LIMD1: variants seen among roughly 807,000 people sequenced by gnomAD.
LIMD1 encodes LIM domain containing 1.
A neutral mutation model predicts 58.4 loss-of-function variants in LIMD1; 23 were observed. The ratio of observed to expected loss-of-function variants is 0.39; its 90% CI spans 0.28 to 0.56. The LOEUF is 0.56. Ranked by LOEUF, LIMD1 falls within the 20% of genes least tolerant of loss-of-function variation. LIMD1 has a pLI of 0.57. For synonymous variants in LIMD1, 334 were observed against 345.5 expected (o/e 0.97, Z 0.37); for missense variants, 838 against 855.5 (o/e 0.98, Z 0.25).
intron 2 of LIMD1, among the ~76,000 whole-genome samples, chr3:45,638,717 TCTC>T (rs1575354957): frequency 6.6e-6 from 1 of 152,206 alleles, no homozygotes; most frequent in Admixed American, 6.5e-5. Context: ...CTTTGAGAAA[TCTC>T]CTAACTGTTT....
chr3:45,672,166 G>A (rs952027584), intron 4 of LIMD1, among the ~76,000 whole-genome samples: 1 of 152,238 alleles, frequency 6.6e-6, no homozygotes, highest in Non-Finnish European at 1.5e-5. Context: ...AGTCAAAGCT[G>A]CATAGAAGGG....
intron 1 of LIMD1, among the ~76,000 whole-genome samples, chr3:45,627,028 C>T (rs900505524): frequency 2.0e-5 from 3 of 152,132 alleles, no homozygotes; most frequent in African/African-American, 4.8e-5. Flanking sequence ...CAAAAATCCA[C>T]TGTGCTCCCC....
Position 45,658,535 on chromosome 3 carries a change from CTTTTTTTTTTT to C in LIMD1, c.1511-7093_1511-7083del, listed in dbSNP as rs10572210. Among the ~76,000 whole-genome samples the C allele has an allele frequency of 3.4e-3, 151 of 44,754 alleles. 1 individual carries two copies. The highest frequency in any genetic ancestry group is 0.015 in the East Asian group (11 of 758). 29.4% of individuals were successfully genotyped at this position (44,754 alleles called of 152,430 possible). On this transcript the variant is annotated intron_variant, in intron 2 of 7. Coordinates refer to ENST00000273317, the MANE Select transcript of LIMD1 (RefSeq NM_014240.3). Reference sequence around the variant, plus strand: ...AACCATCCCCTCCACCATGCAGATTCTTTTTTTTTTTTTTTTTTTTTTTTTTTTTTTTGAGA... The same window carrying C: ...AACCATCCCCTCCACCATGCAGATTCTTTTTTTTTTTTTTTTTTTTTGAGA...
chr3:45,596,256 G>C lies in LIMD1; in HGVS notation c.1377G>C (p.Glu459Asp), dbSNP rs1320294845. ...CCCTCACCCAACGTCTGGAGCGAGA[G>C]ATGGATGCTCACCCGAAGGCTGATT... Reference protein sequence around the residue: ...LEALTQRLEREMDAHPKADYF... With the variant: ...LEALTQRLERDMDAHPKADYF... The change falls in exon 1 of 8, where the codon GAG (glutamate) becomes GAC (aspartate). Residue 459 changes from glutamate (E) to aspartate (D), a missense_variant. Glu to Asp is a conservative substitution (Grantham distance 45, BLOSUM62 2). Around this residue, in one of 3 missense-constraint regions of LIMD1, gnomAD observed 659 missense variants for 639.8 expected, o/e 1.03. Coordinates refer to ENST00000273317, the MANE Select transcript of LIMD1 (RefSeq NM_014240.3). The C allele has an allele frequency of 6.2e-7, 1 of 1,609,874 alleles. No individual in the cohort carries two copies. The highest frequency in any genetic ancestry group is 8.5e-7 in the Non-Finnish European group (1 of 1,178,466).
At chr3:45,647,083 AG>A (rs1396643202) in intron 2 of LIMD1, among the ~76,000 whole-genome samples, 1 of 152,218 alleles carries the variant, frequency 6.6e-6, no homozygotes, top group African/African-American at 2.4e-5. Context: ...TGTATATGGG[AG>A]AAGAAAATCA....
intron 1 of LIMD1, among the ~76,000 whole-genome samples, chr3:45,630,460 C>T (rs1701716151): frequency 6.6e-6 from 1 of 152,158 alleles, no homozygotes; most frequent in African/African-American, 2.4e-5. Flanking sequence ...GATTGGTTTC[C>T]TGAAGGGCAA....
chr3:45,620,062 G>C (rs1336456930), intron 1 of LIMD1, among the ~76,000 whole-genome samples: 1 of 152,002 alleles, frequency 6.6e-6, no homozygotes, highest in Admixed American at 6.6e-5. Flanking sequence ...GTCAAGAGTG[G>C]GTATGTGGAG....
chr3:45,664,950 C>T (rs1430398716), intron 2 of LIMD1, among the ~76,000 whole-genome samples: 1 of 152,136 alleles, frequency 6.6e-6, no homozygotes, highest in Admixed American at 6.5e-5. Context: ...GATCCCGGGA[C>T]ACCCTCTGCT....
rs373350971 is a variant in LIMD1 at position 45,683,931 on chromosome 3, G to A, written c.*6872G>A. 8 of 152,174 alleles carry A rather than the reference G, an allele frequency of 5.3e-5. No homozygotes were observed. The highest frequency in any genetic ancestry group is 1.0e-4 in the Non-Finnish European group (7 of 68,040). The allele number at this position is 152,174 out of a possible 1,614,324, so 9.4% of individuals were successfully genotyped here. ...CCACAGACTCCAACGAACGTTTTTT[G>A]AGAGGAAATGAAAGAATATTCCTAA... On this transcript the variant is annotated 3_prime_UTR_variant, in exon 8 of 8. Coordinates refer to ENST00000273317, the MANE Select transcript of LIMD1 (RefSeq NM_014240.3).
intron 1 of LIMD1, among the ~76,000 whole-genome samples, chr3:45,630,674 G>A (rs575441320): frequency 6.6e-6 from 1 of 152,088 alleles, no homozygotes; most frequent in South Asian, 2.1e-4. Flanking sequence ...CTGATGAGGT[G>A]ATATGTTATG....
chr3:45,624,463 T>C (rs1701651757), intron 1 of LIMD1, among the ~76,000 whole-genome samples: 1 of 152,056 alleles, frequency 6.6e-6, no homozygotes, highest in Admixed American at 6.5e-5. Flanking sequence ...ATCCCAGCAC[T>C]TTGGGAGGCC....
At chr3:45,649,849 T>TG (rs1701948951) in intron 2 of LIMD1, among the ~76,000 whole-genome samples, 3 of 34,930 alleles carry the variant, frequency 8.6e-5, no homozygotes. Context: ...AGTTTTTTTG[T>TG]TTTTTTTTTT....
At position 45,596,138 on chromosome 3, in the gene LIMD1, A is replaced by C; in HGVS notation, c.1259A>C (p.Asp420Ala). The C allele has an allele frequency of 1.9e-6, 3 of 1,614,106 alleles. No homozygotes were observed. In the South Asian group the frequency reaches 3.3e-5, roughly 18 times the overall value. ...SDGSLGSVLL[D>A]SPSSPRVRLP... Reference sequence around the variant, plus strand: ...GGTAGCCTGGGATCTGTGCTCCTGGACAGCCCCAGCTCCCCTAGGGTAAGG... The same window carrying C: ...GGTAGCCTGGGATCTGTGCTCCTGGCCAGCCCCAGCTCCCCTAGGGTAAGG... The change falls in exon 1 of 8, where the codon GAC becomes GCC. Residue 420 changes from aspartate to alanine, a missense_variant. By Grantham distance (126) the Asp-to-Ala change is moderately radical. This residue lies in a region of LIMD1 where 659 missense variants were observed against 639.8 expected (regional missense o/e 1.03). Coordinates refer to ENST00000273317, the MANE Select transcript of LIMD1 (RefSeq NM_014240.3).
rs1697723335 is a variant in LIMD1 at position 45,680,231 on chromosome 3, G to A, written c.*3172G>A. ...TGGGACGCTTGCAAAGATCATGTGT[G>A]AGAATTGAGCACAAGACCACAAATT... On this transcript the variant is annotated 3_prime_UTR_variant, in exon 8 of 8. Coordinates refer to ENST00000273317, the MANE Select transcript of LIMD1 (RefSeq NM_014240.3). The A allele has an allele frequency of 1.3e-5, 2 of 152,218 alleles. No homozygotes were observed. Among genetic ancestry groups the A allele is most frequent in the South Asian group, 4.1e-4 (2 of 4,832 alleles). 9.4% of individuals were successfully genotyped at this position (152,218 alleles called of 1,614,324 possible).
chr3:45,626,798 G>T (rs78413205), intron 1 of LIMD1, among the ~76,000 whole-genome samples: 8 of 151,304 alleles, frequency 5.3e-5, no homozygotes, highest in African/African-American at 1.9e-4. Flanking sequence ...GGTGGGGGCT[G>T]TTGATAGGGA....
chr3:45,636,369 CA>C, intron 2 of LIMD1, 118 bp downstream of exon 2: 8 of 735,638 alleles, frequency 1.1e-5, no homozygotes, highest in Non-Finnish European at 1.8e-5. Flanking sequence ...TCCTCAGCCC[CA>C]CAGAAAAGCC....
intron 1 of LIMD1, among the ~76,000 whole-genome samples, chr3:45,622,194 C>T (rs1701633996): frequency 6.6e-6 from 1 of 152,180 alleles, no homozygotes; most frequent in Admixed American, 6.5e-5. Context: ...CACTAGCTGT[C>T]ACTCCCTGCT....
At chr3:45,646,325 C>T (rs114173627) in intron 2 of LIMD1, among the ~76,000 whole-genome samples, 4,611 of 152,336 alleles carry the variant, frequency 0.03, 75 homozygotes, top group Non-Finnish European at 0.041. Context: ...CCGACCTCTG[C>T]CTCTGCCTGC....
chr3:45,673,842 A>T (rs1452728409), intron 6 of LIMD1: 6 of 324,602 alleles, frequency 1.8e-5, no homozygotes, highest in South Asian at 4.2e-5. Flanking sequence ...GCGAGCTATG[A>T]TGGTGCTACT....
Sources: gnomAD v4.1 joint callset for allele counts (sites outside exome capture counted in the v4.1 genomes callset) on GRCh38, gnomAD v4.1.1 for gene constraint, gnomAD v4.1.1 regional missense constraint, MANE v1.5 for transcripts, NCBI Gene and HGNC (gene_info 2026-07-23, HGNC 2026-07-21) for gene names.